Variants in SKAP2 observed in about 807,000 individuals in gnomAD.
SKAP2 encodes the protein src kinase associated phosphoprotein 2, also known as src kinase-associated phosphoprotein 2.
Under a neutral mutation model 54.9 loss-of-function variants are expected in SKAP2, and 28 were observed. The observed-to-expected ratio is 0.51, with a 90% confidence interval of 0.38 to 0.70. SKAP2 has a LOEUF of 0.70. Ranked by LOEUF, SKAP2 falls within the 30% of genes least tolerant of loss-of-function variation. SKAP2 has a pLI of 0.00. For missense variants in SKAP2, 356 were observed against 424.1 expected, an observed-to-expected ratio of 0.84 and a Z score of 1.41; for synonymous variants, 137 against 134.3, an observed-to-expected ratio of 1.02 and a Z score of -0.14.
At chr7:26,712,094 A>G (rs1002266065) in intron 9 of SKAP2, among the ~76,000 whole-genome samples, 2 of 152,208 alleles carry the variant, frequency 1.3e-5, no homozygotes, top group African/African-American at 4.8e-5. Flanking sequence ...GAGGTAGAGC[A>G]GTATAGGTTG....
chr7:26,858,881 T>C (rs1785227210), intron 1 of SKAP2, among the ~76,000 whole-genome samples: 2 of 152,272 alleles, frequency 1.3e-5, no homozygotes, highest in Middle Eastern at 6.8e-3. Context: ...CACCCCCGAC[T>C]ATCAAACAGC....
At chr7:26,783,677 T>C (rs933771240) in intron 4 of SKAP2, among the ~76,000 whole-genome samples, 11 of 152,104 alleles carry the variant, frequency 7.2e-5, no homozygotes, top group African/African-American at 2.4e-4. Context: ...TTAGCATCTC[T>C]TCCCACCTCC....
intron 11 of SKAP2, among the ~76,000 whole-genome samples, chr7:26,675,537 C>T (rs1020084194): frequency 6.6e-6 from 1 of 152,154 alleles, no homozygotes; most frequent in Non-Finnish European, 1.5e-5. Flanking sequence ...TACACTTAAT[C>T]TGTATGCCTC....
At chr7:26,659,296 G>A in the SKAP2 span, among the ~76,000 whole-genome samples, 1 of 151,982 alleles carries the variant, frequency 6.6e-6, no homozygotes, top group Non-Finnish European at 1.5e-5. Flanking sequence ...AGATTGTGAG[G>A]GCTCCATGTC....
rs1317234868 is a variant in SKAP2 at position 26,717,944 on chromosome 7, ACT to A, written c.796+7482_796+7483del. On this transcript the variant is annotated intron_variant, in intron 9 of 12. Transcript: ENST00000345317. ...TACTTTTGACACTATCTGCTGGAAG[ACT>A]CTGCCCATTGGAGACAGAATTTCTA... Among the ~76,000 whole-genome samples, 4 of 152,054 alleles carry A rather than the reference ACT, an allele frequency of 2.6e-5. No individual in the cohort carries two copies. The East Asian group carries it at 5.8e-4, about 22-fold the overall frequency.
Position 26,713,597 on chromosome 7 carries a change from T to G in SKAP2, c.796+11831A>C, listed in dbSNP as rs1053740854. Among the ~76,000 whole-genome samples, 32 of 149,324 alleles carry G rather than the reference T, an allele frequency of 2.1e-4. 1 individual carries two copies. Among genetic ancestry groups the G allele is most frequent in the Non-Finnish European group, 6.0e-5 (4 of 67,064 alleles). ...AGTGCTAAGATGCTTATTTGTTCTT[T>G]TTTGTTTTTTTTTTTGTTTTTAGAT... On this transcript the variant is annotated intron_variant, in intron 9 of 12. Coordinates refer to ENST00000345317, the MANE Select transcript of SKAP2 (RefSeq NM_003930.5).
chr7:26,805,765 T>C (rs1158500495), intron 4 of SKAP2, among the ~76,000 whole-genome samples: 1 of 152,200 alleles, frequency 6.6e-6, no homozygotes, highest in Non-Finnish European at 1.5e-5. Context: ...CATTCCCCAA[T>C]GCTTGACTCA....
At chr7:26,855,227 G>C (rs1449513075) in intron 1 of SKAP2, 4 of 166,200 alleles carry the variant, frequency 2.4e-5, no homozygotes, top group African/African-American at 9.5e-5. Flanking sequence ...ATGGAAGCAA[G>C]CACCAAGCTT....
intron 4 of SKAP2, among the ~76,000 whole-genome samples, chr7:26,797,668 A>G (rs1375936683): frequency 2.0e-5 from 3 of 152,152 alleles, no homozygotes; most frequent in Admixed American, 6.5e-5. Context: ...TGACTTCACC[A>G]AATGAATTAA....
intron 4 of SKAP2, among the ~76,000 whole-genome samples, chr7:26,834,724 G>T (rs1051619579): frequency 2.0e-5 from 3 of 152,032 alleles, no homozygotes; most frequent in Non-Finnish European, 4.4e-5. Context: ...ACCAAAAAAG[G>T]CCCAGGACCA....
intron 4 of SKAP2, among the ~76,000 whole-genome samples, chr7:26,747,619 A>G (rs1782584816): frequency 6.6e-6 from 1 of 152,170 alleles, no homozygotes. Context: ...GACAGTAACT[A>G]TTAATATCAT....
the SKAP2 span, among the ~76,000 whole-genome samples, chr7:26,658,511 C>A: frequency 6.6e-6 from 1 of 151,882 alleles, no homozygotes; most frequent in Non-Finnish European, 1.5e-5. Flanking sequence ...TCAAATGGAG[C>A]ATTTTTCAGA....
chr7:26,814,391 C>T (rs1386632249), intron 4 of SKAP2, among the ~76,000 whole-genome samples: 1 of 152,064 alleles, frequency 6.6e-6, no homozygotes, highest in Admixed American at 6.6e-5. Flanking sequence ...TGCTCCTCTT[C>T]TTTACATACT....
intron 4 of SKAP2, among the ~76,000 whole-genome samples, chr7:26,812,446 T>A (rs997158851): frequency 6.6e-6 from 1 of 152,082 alleles, no homozygotes; most frequent in Non-Finnish European, 1.5e-5. Context: ...GAAATTCTCA[T>A]ATCTGTTCTA....
chr7:26,694,060 A>G (rs770857542), intron 9 of SKAP2, among the ~76,000 whole-genome samples: 21 of 152,200 alleles, frequency 1.4e-4, no homozygotes, highest in Non-Finnish European at 2.8e-4. Flanking sequence ...CCAAAATTCT[A>G]GGCAATAATC....
chr7:26,864,507 T>G lies in SKAP2; in HGVS notation c.-78A>C. 6.6e-7 allele frequency: 1 copy of G among 1,517,480 alleles called. No individual in the cohort carries two copies. The highest frequency in any genetic ancestry group is 2.2e-4 in the Middle Eastern group (1 of 4,528). The allele number at this position is 1,517,480 out of a possible 1,614,324, so 94.0% of individuals were successfully genotyped here. ...ACGGGGTGGGGCTGCGGCTGCGACCTAGACTCAGGCTAGCGGCCCGGATTA... is the reference window on the plus strand; with the variant it reads ...ACGGGGTGGGGCTGCGGCTGCGACCGAGACTCAGGCTAGCGGCCCGGATTA... On this transcript the variant is annotated 5_prime_UTR_variant, in exon 1 of 13. Transcript: ENST00000345317.
intron 1 of SKAP2, among the ~76,000 whole-genome samples, chr7:26,859,806 T>A (rs888011262): frequency 6.6e-6 from 1 of 152,222 alleles, no homozygotes; most frequent in Non-Finnish European, 1.5e-5. Context: ...AGGCAGCATC[T>A]ATTGTAATGT....
intron 4 of SKAP2, among the ~76,000 whole-genome samples, chr7:26,759,082 A>G (rs1280438521): frequency 6.6e-6 from 1 of 152,246 alleles, no homozygotes; most frequent in African/African-American, 2.4e-5. Context: ...ATGTAAAAAT[A>G]TGCATAAAAA....
chr7:26,842,318 A>T lies in SKAP2; in HGVS notation c.307+1712T>A, dbSNP rs994801939. On this transcript the variant is annotated intron_variant, in intron 4 of 12. Coordinates refer to ENST00000345317, the MANE Select transcript of SKAP2 (RefSeq NM_003930.5). The stretch of plus-strand genomic sequence containing the variant: ...AAATCAATAAAATAACCTTTTAACA[A>T]CAATCTTTTAGTGTATTTCCTGAAT... Among the ~76,000 whole-genome samples the T allele has an allele frequency of 2.6e-5, 4 of 151,778 alleles. No homozygotes were observed. In the East Asian group the frequency reaches 7.7e-4, roughly 29 times the overall value.
Sources: allele counts gnomAD v4.1 joint callset (sites outside exome capture counted in the v4.1 genomes callset), GRCh38; gene constraint gnomAD v4.1.1; transcripts MANE v1.5; gene names NCBI Gene and HGNC (gene_info 2026-07-23, HGNC 2026-07-21).